The following USP20 variants were observed in gnomAD, a reference collection of about 807,000 sequenced individuals.
The protein encoded by USP20 is ubiquitin carboxyl-terminal hydrolase 20.
Under a neutral mutation model 124.2 loss-of-function variants are expected in USP20, and 80 were observed. The observed-to-expected ratio is 0.64, with a 90% CI of 0.54 to 0.78. The LOEUF is 0.78. Among genes scored for constraint, USP20 ranks in the 30% least tolerant of loss-of-function variants. The pLI is 0.00. For missense variants in USP20, 1,043 were observed against 1,244.4 expected (o/e 0.84, Z 2.44); for synonymous variants, 481 against 512.3 (o/e 0.94, Z 0.83).
In USP20 at chr9:129,879,232, CCT is replaced by C; in HGVS notation, c.2513-338_2513-337del. 6.8e-6 allele frequency: 2 copies of C among 293,622 alleles called. No individual in the cohort carries two copies. The allele number at this position is 293,622 out of a possible 1,614,324, so 18.2% of individuals were successfully genotyped here. Reference sequence around the variant, plus strand: ...CAGGCCTCGGCTCTGTCTCTGTAAACCTCTGTCTTGTCCTGTGGTTGCCGAGG... The same window carrying C: ...CAGGCCTCGGCTCTGTCTCTGTAAACCTGTCTTGTCCTGTGGTTGCCGAGG... On this transcript the variant is annotated intron_variant, in intron 23 of 25. Coordinates refer to ENST00000372429, the MANE Select transcript of USP20 (RefSeq NM_001110303.4). This position sits in a 1 kb window ranked among gnomAD's most constrained non-coding sequence, Gnocchi z 4.2.
At position 129,869,903 on chromosome 9, in the gene USP20, G is replaced by A; in HGVS notation, c.1565+59G>A. The A allele has an allele frequency of 1.9e-6, 3 of 1,588,308 alleles. No homozygotes were observed. In the South Asian group the frequency reaches 3.4e-5, roughly 18 times the overall value. The stretch of plus-strand genomic sequence containing the variant: ...GCTGGGCCTGTCCTGGTTTTCCTGG[G>A]CGGGAGACAGTACACAGTGAAGTCC... On this transcript the variant is annotated intron_variant, in intron 14 of 25. Transcript: ENST00000372429.
Position 129,879,104 on chromosome 9 carries a change from C to T in USP20, c.2513-469C>T, listed in dbSNP as rs1295965857. 6.6e-6 allele frequency among the ~76,000 whole-genome samples: 1 copy of T among 152,260 alleles called. No individual in the cohort carries two copies. The highest frequency in any genetic ancestry group is 6.5e-5 in the Admixed American group (1 of 15,294). ...CCTCTCTGGTGGTGGCTGAGGCCTT[C>T]AGCATGGCTGTGGTTGAGAATGTAG... On this transcript the variant is annotated intron_variant, in intron 23 of 25. Transcript: ENST00000372429. This position sits in a 1 kb window ranked among gnomAD's most constrained non-coding sequence, Gnocchi z 4.2.
chr9:129,868,496 A>C, intron 11 of USP20, 47 bp downstream of exon 11: 1 of 1,569,252 alleles, frequency 6.4e-7, no homozygotes, highest in Non-Finnish European at 8.6e-7. Flanking sequence ...CCTATGGCCC[A>C]GTACCTACCG....
intron 15 of USP20, among the ~76,000 whole-genome samples, chr9:129,871,787 G>A (rs1022992406): frequency 2.0e-5 from 3 of 152,150 alleles, no homozygotes; most frequent in Non-Finnish European, 2.9e-5. Context: ...CATGATCTCG[G>A]CTTATTGCAA....
intron 1 of USP20, among the ~76,000 whole-genome samples, chr9:129,836,566 G>T (rs907651574): frequency 6.6e-6 from 1 of 152,136 alleles, no homozygotes; most frequent in African/African-American, 2.4e-5. Flanking sequence ...GGGAGGGGCC[G>T]ATGGGGGCTG....
At chr9:129,855,291 C>T (rs374532040) in intron 3 of USP20, among the ~76,000 whole-genome samples, 2 of 152,108 alleles carry the variant, frequency 1.3e-5, no homozygotes, top group African/African-American at 2.4e-5. Context: ...ATTAGCCGGG[C>T]GAGGTGGTGG....
Position 129,875,387 on chromosome 9 carries a change from G to C in USP20, c.2126G>C (p.Arg709Pro). The C allele has an allele frequency of 6.2e-7, 1 of 1,613,446 alleles. No individual in the cohort carries two copies. Among genetic ancestry groups the C allele is most frequent in the Non-Finnish European group, 8.5e-7 (1 of 1,179,944 alleles). ...LAAMREPSLL[R>P]FYVSREWLNK... ...GCCATGCGGGAGCCCAGCCTGCTGC[G>C]GTTCTACGTGTCCCGCGAGTGGCTC... is the stretch of plus-strand genomic sequence containing the variant. The change falls in exon 20 of 26, where the codon CGG (arginine) becomes CCG (proline). Residue 709 changes from arginine to proline, a missense_variant. Coordinates refer to ENST00000372429, the MANE Select transcript of USP20 (RefSeq NM_001110303.4).
At chr9:129,848,312 A>T (rs866210159) in intron 1 of USP20, among the ~76,000 whole-genome samples, 2 of 152,028 alleles carry the variant, frequency 1.3e-5, no homozygotes, top group Admixed American at 6.5e-5. Context: ...AAACAAAACA[A>T]AAAAAACTAG....
chr9:129,869,233 CAAAG>C (rs2033991212), intron 12 of USP20, 73 bp from the exon 13 acceptor site: 1 of 1,465,236 alleles, frequency 6.8e-7, no homozygotes, highest in South Asian at 1.2e-5. Context: ...CACATCCTGT[CAAAG>C]GAAGCCGCAG....
intron 8 of USP20, 59 bp downstream of exon 8, chr9:129,861,671 C>A: frequency 6.5e-7 from 1 of 1,527,984 alleles, no homozygotes; most frequent in East Asian, 2.3e-5. Context: ...CCGGAAACAG[C>A]AGCAGTAGCA....
chr9:129,861,412 C>A, intron 7 of USP20, 131 bp from the exon 8 acceptor site: 1 of 784,658 alleles, frequency 1.3e-6, no homozygotes, highest in Admixed American at 2.1e-5. Context: ...TGGGGTGGAA[C>A]GCTTCCACCA....
Position 129,873,704 on chromosome 9 carries a change from G to A in USP20, c.1700G>A (p.Arg567Gln), listed in dbSNP as rs984819046. 2 of 1,613,180 alleles carry A rather than the reference G, an allele frequency of 1.2e-6. No homozygotes were observed. The highest frequency in any genetic ancestry group is 8.5e-7 in the Non-Finnish European group (1 of 1,180,024). ...MYSCERCKKL[R>Q]NGVKYCKVLR... ...GGCTCGTGCTTCCTCCCCAGGCTGC[G>A]GAACGGAGTGAAGTACTGCAAAGTC... The change falls in exon 17 of 26, where the codon CGG (arginine) becomes CAG (glutamine). Residue 567 changes from arginine to glutamine, a missense_variant. Physicochemically the swap from Arg to Gln is conservative, Grantham distance 43. Transcript: ENST00000372429.
At position 129,856,379 on chromosome 9, in the gene USP20, C is replaced by T. The variant is rs1355396798; in HGVS notation, c.135+19C>T. ...TCTGCAGGTAAAAGACCCTTGTGGCCATCAGGGGTGTAGAGCTGCTTCCAC... is the reference window on the plus strand; with the variant it reads ...TCTGCAGGTAAAAGACCCTTGTGGCTATCAGGGGTGTAGAGCTGCTTCCAC... On this transcript the variant is annotated intron_variant, in intron 4 of 25. Transcript: ENST00000372429. 27 of 1,613,832 alleles carry T rather than the reference C, an allele frequency of 1.7e-5. No individual in the cohort carries two copies. The highest frequency in any genetic ancestry group is 2.3e-5 in the Non-Finnish European group (27 of 1,179,762).
intron 1 of USP20, among the ~76,000 whole-genome samples, chr9:129,842,125 A>C (rs1391813549): frequency 1.3e-5 from 2 of 152,160 alleles, no homozygotes; most frequent in Non-Finnish European, 2.9e-5. Context: ...GCATTGGCTC[A>C]CTTCATCTTC....
intron 15 of USP20, among the ~76,000 whole-genome samples, chr9:129,873,080 C>CTTCTTTTT (rs1463874554): frequency 6.3e-4 from 49 of 78,354 alleles, no homozygotes; most frequent in African/African-American, 2.2e-3. Context: ...TTTTCTTCTT[C>CTTCTTTTT]TTTTTTTTTT....
chr9:129,869,116 G>T, intron 12 of USP20, 114 bp downstream of exon 12: 1 of 1,451,920 alleles, frequency 6.9e-7, no homozygotes, highest in Non-Finnish European at 9.2e-7. Context: ...GCTCCTCTCA[G>T]GTACACCCCT....
intron 1 of USP20, among the ~76,000 whole-genome samples, chr9:129,847,832 T>C (rs1346205109): frequency 3.3e-5 from 5 of 152,074 alleles, no homozygotes; most frequent in Non-Finnish European, 7.4e-5. Context: ...TCTATCATCA[T>C]CAGTTTTGTC....
chr9:129,850,636 CTTTGTTT>C (rs911029955), intron 2 of USP20, among the ~76,000 whole-genome samples: 4 of 151,748 alleles, frequency 2.6e-5, no homozygotes, highest in Non-Finnish European at 5.9e-5. Flanking sequence ...CAGCTTCTGC[CTTTGTTT>C]TTTGTTTTTT....
rs981200995 is a variant in USP20, at chr9:129,868,874, A to T, written c.1148A>T (p.Asp383Val). 6.3e-7 allele frequency: 1 copy of T among 1,578,500 alleles called. No homozygotes were observed. Among genetic ancestry groups the T allele is most frequent in the Non-Finnish European group, 8.6e-7 (1 of 1,158,006 alleles). ...TCTCTGCCCCCAGAGCCGGACAATG[A>T]TGCTCACCTACGCAGCTCCTCTCGC... ...SPCRTPEPDN[D>V]AHLRSSSRPC... is the part of the protein sequence containing the mutation. The change falls in exon 12 of 26, where the codon GAT (aspartate) becomes GTT (valine). Residue 383 changes from aspartate to valine, a missense_variant. Transcript: ENST00000372429.
Sources: gnomAD v4.1 joint callset for allele counts (sites outside exome capture counted in the v4.1 genomes callset) on GRCh38, gnomAD v4.1.1 for gene constraint, Gnocchi (gnomAD v3.1) non-coding constraint, MANE v1.5 for transcripts, NCBI Gene and HGNC (gene_info 2026-07-23, HGNC 2026-07-21) for gene names.